The following LRMDA variants were observed in gnomAD, a reference collection of about 807,000 sequenced individuals.
LRMDA encodes the protein leucine-rich melanocyte differentiation-associated protein.
LRMDA carries 18 observed loss-of-function variants against 29.8 expected under a neutral mutation model. The observed-to-expected ratio is 0.60, with a 90% CI of 0.42 to 0.90. The LOEUF is 0.90. Ranked by LOEUF, LRMDA falls within the 40% of genes least tolerant of loss-of-function variation. The probability of loss-of-function intolerance (pLI) is 0.00; values close to 1 mark genes in which losing one functional copy is unlikely to be tolerated. For synonymous variants in LRMDA, 125 were observed against 109.4 expected (o/e 1.14, Z -0.89); for missense variants, 273 against 273.9 (o/e 1.00, Z 0.02).
chr10:75,557,314 A>G (rs1430569198), intron 2 of LRMDA, among the ~76,000 whole-genome samples: 1 of 87,522 alleles, frequency 1.1e-5, no homozygotes, highest in Admixed American at 1.3e-4. Flanking sequence ...ACTCTGTCTC[A>G]ATTAAAAAAA....
Position 76,539,921 on chromosome 10 carries a change from C to T in LRMDA, c.602-17288C>T, listed in dbSNP as rs112621379. On this transcript the variant is annotated intron_variant, in intron 6 of 6. Coordinates refer to ENST00000611255, the MANE Select transcript of LRMDA (RefSeq NM_001305581.2). ...CAAATGCAGTAAAGCAACTGCATCT[C>T]TGACAGGTAATCAAGAATTGGGTGA... Among the ~76,000 whole-genome samples, 340 of 152,204 alleles carry T rather than the reference C, an allele frequency of 2.2e-3. 2 individuals are homozygous for T. Among genetic ancestry groups the T allele is most frequent in the Middle Eastern group, 0.01 (3 of 294 alleles).
At chr10:75,749,071 C>T (rs1454661119) in intron 2 of LRMDA, among the ~76,000 whole-genome samples, 1 of 152,134 alleles carries the variant, frequency 6.6e-6, no homozygotes, top group Non-Finnish European at 1.5e-5. Context: ...ACAAGACCAA[C>T]CCCCACTTCT....
At chr10:75,531,064 G>T (rs904975009) in intron 2 of LRMDA, among the ~76,000 whole-genome samples, 4 of 152,182 alleles carry the variant, frequency 2.6e-5, no homozygotes, top group African/African-American at 9.7e-5. Flanking sequence ...GCTAAGCAAG[G>T]TCTGCTCTTT....
chr10:75,837,083 G>T (rs1437518733), intron 2 of LRMDA, among the ~76,000 whole-genome samples: 1 of 151,834 alleles, frequency 6.6e-6, no homozygotes, highest in African/African-American at 2.4e-5. Flanking sequence ...TATTGATATA[G>T]ATATAGATAT....
intron 2 of LRMDA, among the ~76,000 whole-genome samples, chr10:75,778,614 G>A (rs1054155832): frequency 6.6e-6 from 1 of 152,186 alleles, no homozygotes; most frequent in African/African-American, 2.4e-5. Flanking sequence ...GTTTACAGAA[G>A]TAGGATCAGA....
intron 2 of LRMDA, among the ~76,000 whole-genome samples, chr10:75,827,313 A>G (rs1844263799): frequency 6.6e-6 from 1 of 152,204 alleles, no homozygotes; most frequent in African/African-American, 2.4e-5. Flanking sequence ...GTGGCACTTC[A>G]CTAAGGGAAG....
At chr10:75,647,923 T>C (rs1291470484) in intron 2 of LRMDA, among the ~76,000 whole-genome samples, 2 of 152,130 alleles carry the variant, frequency 1.3e-5, no homozygotes, top group Non-Finnish European at 2.9e-5. Context: ...AGTGAAGTTC[T>C]GGAGCTCGCA....
chr10:76,430,932 A>G (rs924576587), intron 6 of LRMDA, among the ~76,000 whole-genome samples: 1 of 152,168 alleles, frequency 6.6e-6, no homozygotes, highest in Non-Finnish European at 1.5e-5. Context: ...CCATTTCTCC[A>G]TCTGGATAGT....
chr10:75,723,706 AGGAT>A (rs1757350926), intron 2 of LRMDA, among the ~76,000 whole-genome samples: 1 of 152,240 alleles, frequency 6.6e-6, no homozygotes, highest in African/African-American at 2.4e-5. Context: ...AAGAGCAGGC[AGGAT>A]GGAAGTAATT....
intron 2 of LRMDA, among the ~76,000 whole-genome samples, chr10:75,632,829 G>T (rs1841343872): frequency 9.7e-6 from 1 of 103,068 alleles, no homozygotes; most frequent in Non-Finnish European, 1.8e-5. Flanking sequence ...CTTTCCCCCA[G>T]TGTTCAGAGC....
chr10:76,537,461 T>A (rs1462998362), intron 6 of LRMDA, among the ~76,000 whole-genome samples: 2 of 152,222 alleles, frequency 1.3e-5, no homozygotes, highest in Non-Finnish European at 2.9e-5. Context: ...TTCATTGAGC[T>A]AAAATTCAGG....
chr10:76,291,241 T>A (rs1304590430), intron 5 of LRMDA, among the ~76,000 whole-genome samples: 1 of 152,200 alleles, frequency 6.6e-6, no homozygotes, highest in Non-Finnish European at 1.5e-5. Flanking sequence ...CACTGTTGGG[T>A]CTCAAAATAA....
At chr10:76,079,062 T>C (rs1849009686) in intron 5 of LRMDA, among the ~76,000 whole-genome samples, 1 of 152,180 alleles carries the variant, frequency 6.6e-6, no homozygotes, top group South Asian at 2.1e-4. Flanking sequence ...GGGAGCACTT[T>C]CTAGGGAAGA....
chr10:76,224,493 G>A (rs967887045), intron 5 of LRMDA, among the ~76,000 whole-genome samples: 2 of 151,886 alleles, frequency 1.3e-5, no homozygotes, highest in Non-Finnish European at 1.5e-5. Context: ...GATCACTTGA[G>A]CCTGGGAAGT....
chr10:75,539,305 C>CA (rs1407618129), intron 2 of LRMDA, among the ~76,000 whole-genome samples: 1 of 152,150 alleles, frequency 6.6e-6, no homozygotes, highest in Non-Finnish European at 1.5e-5. Flanking sequence ...ATTGATGGAA[C>CA]ATTTTACACA....
intron 2 of LRMDA, among the ~76,000 whole-genome samples, chr10:75,803,211 G>A (rs967283862): frequency 2.6e-5 from 4 of 152,114 alleles, no homozygotes; most frequent in Admixed American, 1.3e-4. Flanking sequence ...GTGATCAGAG[G>A]CATTTTACCA....
At chr10:76,258,311 T>C (rs1839892690) in intron 5 of LRMDA, among the ~76,000 whole-genome samples, 1 of 151,670 alleles carries the variant, frequency 6.6e-6, no homozygotes, top group Admixed American at 6.6e-5. Flanking sequence ...CCTTTTTAAA[T>C]TAAATGTATT....
chr10:76,260,601 G>C (rs1213773455), intron 5 of LRMDA, among the ~76,000 whole-genome samples: 1 of 151,888 alleles, frequency 6.6e-6, no homozygotes, highest in African/African-American at 2.4e-5. Context: ...CTTTTCTCTT[G>C]CTGTTTTTAG....
At chr10:75,845,943 G>C (rs918357238) in intron 2 of LRMDA, among the ~76,000 whole-genome samples, 1 of 152,084 alleles carries the variant, frequency 6.6e-6, no homozygotes. Context: ...TTAGCAATTT[G>C]GAGTATATAG....
Sources: gnomAD v4.1 joint callset for allele counts (sites outside exome capture counted in the v4.1 genomes callset) on GRCh38, gnomAD v4.1.1 for gene constraint, MANE v1.5 for transcripts, NCBI Gene and HGNC (gene_info 2026-07-23, HGNC 2026-07-21) for gene names.